Variants in CSMD3 observed in about 807,000 individuals in gnomAD.
CSMD3 encodes CUB and Sushi multiple domains 3, also known as CUB and sushi domain-containing protein 3.
A neutral mutation model predicts 435.2 loss-of-function variants in CSMD3; 177 were observed. The ratio of observed to expected loss-of-function variants is 0.41; its 90% CI spans 0.36 to 0.46. The LOEUF (loss-of-function observed/expected upper bound fraction) is 0.46, where lower values mean the gene tolerates loss of function less well. CSMD3 is among the 20% of genes least tolerant of loss of function. CSMD3 has a pLI of 0.34. For missense variants in CSMD3, 4,265 were observed against 4,504.6 expected (o/e 0.95, Z 1.52); for synonymous variants, 1,656 against 1,520.5 (o/e 1.09, Z -2.07).
chr8:113,110,878 CTGGCAG>C (rs1005025700), intron 4 of CSMD3, among the ~76,000 whole-genome samples: 1 of 152,162 alleles, frequency 6.6e-6, no homozygotes, highest in African/African-American at 2.4e-5. Context: ...GATGAAGGCA[CTGGCAG>C]ATTCAGTAAC....
chr8:112,345,951 A>G, intron 41 of CSMD3, 146 bp downstream of exon 41: 1 of 660,434 alleles, frequency 1.5e-6, no homozygotes. Flanking sequence ...TTTAAATTTC[A>G]CTCTTCAATT....
At chr8:112,276,068 G>C (rs1818006182) in intron 59 of CSMD3, among the ~76,000 whole-genome samples, 1 of 152,142 alleles carries the variant, frequency 6.6e-6, no homozygotes. Context: ...GATACAATGG[G>C]GGTACAGGCA....
At chr8:112,863,785 T>G (rs554132008) in intron 10 of CSMD3, among the ~76,000 whole-genome samples, 1 of 152,054 alleles carries the variant, frequency 6.6e-6, no homozygotes, top group Non-Finnish European at 1.5e-5. Context: ...AGTAAAGTAG[T>G]ACATTTGAGA....
chr8:113,118,961 A>G (rs551860496), intron 4 of CSMD3, among the ~76,000 whole-genome samples: 1 of 152,230 alleles, frequency 6.6e-6, no homozygotes, highest in Admixed American at 6.5e-5. Flanking sequence ...TTCTGCTACA[A>G]AATAAGAGTA....
At chr8:112,586,943 A>C (rs949369071) in intron 23 of CSMD3, 123 bp downstream of exon 23, 7 of 560,076 alleles carry the variant, frequency 1.2e-5, no homozygotes, top group Non-Finnish European at 1.9e-5. Flanking sequence ...TGTGAATGGT[A>C]GAATCAACTT....
At chr8:112,315,698 C>A (rs1287397618) in intron 47 of CSMD3, among the ~76,000 whole-genome samples, 1 of 151,766 alleles carries the variant, frequency 6.6e-6, no homozygotes, top group Non-Finnish European at 1.5e-5. Context: ...TTTGGGTGTT[C>A]TTACTGAGAA....
intron 27 of CSMD3, among the ~76,000 whole-genome samples, chr8:112,536,044 T>C (rs954787127): frequency 5.3e-5 from 8 of 152,204 alleles, no homozygotes; most frequent in East Asian, 3.9e-4. Context: ...AAGACTTAAA[T>C]GTTAGACCTA....
chr8:112,457,928 A>C (rs1817005652), intron 32 of CSMD3, among the ~76,000 whole-genome samples: 1 of 152,090 alleles, frequency 6.6e-6, no homozygotes, highest in African/African-American at 2.4e-5. Flanking sequence ...ACCTTGGTAA[A>C]TAAATATGGT....
At chr8:113,160,938 C>T (rs1489209937) in intron 4 of CSMD3, among the ~76,000 whole-genome samples, 1 of 152,054 alleles carries the variant, frequency 6.6e-6, no homozygotes, top group Non-Finnish European at 1.5e-5. Context: ...CAAAATACAA[C>T]ATGCCCTGAA....
At position 112,425,716 on chromosome 8, in the gene CSMD3, A is replaced by C. The variant is rs528160251; in HGVS notation, c.5396-16684T>G. Among the ~76,000 whole-genome samples the C allele has an allele frequency of 1.3e-3, 195 of 152,306 alleles. 1 individual carries two copies. The highest frequency in any genetic ancestry group is 4.6e-3 in the African/African-American group (192 of 41,568). ...TTTTTAACATTCCCCACTGTGGTAA[A>C]ACTATTTTCATGAATAATCACAAAT... On this transcript the variant is annotated intron_variant, in intron 32 of 70. Coordinates refer to ENST00000297405, the MANE Select transcript of CSMD3 (RefSeq NM_198123.2).
chr8:113,210,193 T>C (rs2092817760), intron 3 of CSMD3, among the ~76,000 whole-genome samples: 2 of 152,272 alleles, frequency 1.3e-5, no homozygotes, highest in Admixed American at 1.3e-4. Flanking sequence ...CTTTTGTAAA[T>C]ATCCATTTCA....
intron 36 of CSMD3, among the ~76,000 whole-genome samples, chr8:112,383,873 G>A (rs1451549053): frequency 3.3e-5 from 5 of 152,076 alleles, no homozygotes; most frequent in Non-Finnish European, 4.4e-5. Context: ...TTGAAGCACC[G>A]ACCAATGTTC....
At chr8:112,934,822 A>G (rs910315536) in intron 9 of CSMD3, among the ~76,000 whole-genome samples, 2 of 152,170 alleles carry the variant, frequency 1.3e-5, no homozygotes, top group Non-Finnish European at 2.9e-5. Flanking sequence ...CACTCTGTGA[A>G]TCTAGATGTA....
In CSMD3 at chr8:112,237,215, A is replaced by C. The variant is rs757412233; in HGVS notation, c.10602T>G (p.Asn3534Lys). The change falls in exon 67 of 71, where the codon AAT (asparagine) becomes AAG (lysine). Residue 3534 changes from asparagine (N) to lysine (K), a missense_variant. Physicochemically the swap from Asn to Lys is moderately conservative, Grantham distance 94. Around this residue, in one of 3 missense-constraint regions of CSMD3, gnomAD observed 3,255 missense variants for 3,380.2 expected, o/e 0.96. Transcript: ENST00000297405. ...STGRVNATLS[N>K]SNMELLLSGV... is the part of the protein sequence containing the mutation. The stretch of plus-strand genomic sequence containing the variant: ...CTGAAAGTAGCAGCTCCATGTTGCT[A>C]TTGCTCAGTGTTGCGTTAACTCTCC... The C allele has an allele frequency of 6.2e-7, 1 of 1,613,510 alleles. No individual in the cohort carries two copies. The highest frequency in any genetic ancestry group is 8.5e-7 in the Non-Finnish European group (1 of 1,179,646).
intron 12 of CSMD3, among the ~76,000 whole-genome samples, chr8:112,815,683 A>G (rs2079354929): frequency 6.6e-6 from 1 of 152,294 alleles, no homozygotes; most frequent in South Asian, 2.1e-4. Flanking sequence ...AAACAATTCA[A>G]TGTATTCAAA....
intron 23 of CSMD3, among the ~76,000 whole-genome samples, chr8:112,584,799 T>C (rs1447609340): frequency 6.6e-6 from 1 of 151,278 alleles, no homozygotes; most frequent in Non-Finnish European, 1.5e-5. Context: ...CCTTATTATA[T>C]GCTAGTTTAA....
intron 13 of CSMD3, among the ~76,000 whole-genome samples, chr8:112,788,979 T>C (rs1224460383): frequency 6.6e-6 from 1 of 152,140 alleles, no homozygotes; most frequent in African/African-American, 2.4e-5. Context: ...GAGAGGCAGA[T>C]GGAAATGTTA....
intron 9 of CSMD3, among the ~76,000 whole-genome samples, chr8:112,928,154 T>C (rs1309109844): frequency 1.3e-5 from 2 of 151,970 alleles, no homozygotes; most frequent in African/African-American, 2.4e-5. Flanking sequence ...TACTCAAAAA[T>C]AGTGTAATTC....
At chr8:112,487,011 T>G (rs1331728107) in intron 31 of CSMD3, among the ~76,000 whole-genome samples, 4 of 152,198 alleles carry the variant, frequency 2.6e-5, no homozygotes, top group African/African-American at 9.6e-5. Flanking sequence ...AATATGTTTA[T>G]TCTTAGGGTC....
Sources: allele counts gnomAD v4.1 joint callset (sites outside exome capture counted in the v4.1 genomes callset), GRCh38; gene constraint gnomAD v4.1.1; regional missense constraint gnomAD v4.1.1; transcripts MANE v1.5; gene names NCBI Gene and HGNC (gene_info 2026-07-23, HGNC 2026-07-21).